Variants in TMTC3 observed in about 807,000 individuals in gnomAD.
TMTC3 encodes transmembrane O-mannosyltransferase targeting cadherins 3.
A neutral mutation model predicts 92.2 loss-of-function variants in TMTC3; 52 were observed. The observed-to-expected ratio is 0.56, with a 90% CI of 0.45 to 0.71. TMTC3 has a LOEUF of 0.71. TMTC3 is among the 30% of genes least tolerant of loss of function. The pLI is 0.00. For missense variants in TMTC3, 896 were observed against 1,057.1 expected (o/e 0.85, Z 2.11); for synonymous variants, 339 against 363.3 (o/e 0.93, Z 0.76).
At chr12:88,173,142 A>G in intron 8 of TMTC3, 1 of 1,161,792 alleles carries the variant, frequency 8.6e-7, no homozygotes, top group Non-Finnish European at 1.1e-6. Flanking sequence ...GCAATCTGTA[A>G]TTTCTTGCTA....
At chr12:88,167,005 T>C (rs1254815878) in intron 7 of TMTC3, among the ~76,000 whole-genome samples, 3 of 151,950 alleles carry the variant, frequency 2.0e-5, no homozygotes, top group Non-Finnish European at 4.4e-5. Context: ...TTTTTTTTTT[T>C]TTTTTGGTGG....
At chr12:88,170,102 A>T (rs1484343290) in intron 7 of TMTC3, among the ~76,000 whole-genome samples, 1 of 152,226 alleles carries the variant, frequency 6.6e-6, no homozygotes, top group Non-Finnish European at 1.5e-5. Context: ...TGGAAGAAGG[A>T]AATTACAAGA....
At chr12:88,166,198 C>G (rs1388094931) in intron 6 of TMTC3, 132 bp from the exon 7 acceptor site, 3 of 865,388 alleles carry the variant, frequency 3.5e-6, no homozygotes, top group Non-Finnish European at 5.2e-6. Flanking sequence ...CTGAGGTACA[C>G]ATAACATTTG....
intron 4 of TMTC3, among the ~76,000 whole-genome samples, chr12:88,158,564 T>A (rs184914628): frequency 6.6e-6 from 1 of 152,236 alleles, no homozygotes; most frequent in African/African-American, 2.4e-5. Context: ...TTTTTTCATT[T>A]ATTTCTTTGT....
rs2041509548 is a variant in TMTC3, at chr12:88,196,137, CTT to C, written c.*494_*495del. Reference sequence around the variant, plus strand: ...GATTTACACTACAAAAGAATGCTGGCTTTTTTTATGTTGTATTCCTTAGTTGA... The same window carrying C: ...GATTTACACTACAAAAGAATGCTGGCTTTTTATGTTGTATTCCTTAGTTGA... On this transcript the variant is annotated 3_prime_UTR_variant, in exon 14 of 14. Transcript: ENST00000266712. 6.6e-6 allele frequency: 1 copy of C among 152,126 alleles called. No homozygotes were observed. Among genetic ancestry groups the C allele is most frequent in the African/African-American group, 2.4e-5 (1 of 41,514 alleles). 9.4% of individuals were successfully genotyped at this position (152,126 alleles called of 1,614,324 possible). A position where few individuals can be genotyped will look rare whatever the true frequency, so the allele number is the denominator to read the frequency against.
At chr12:88,188,818 A>G in intron 10 of TMTC3, 25 bp from the exon 11 acceptor site, 1 of 1,265,836 alleles carries the variant, frequency 7.9e-7, no homozygotes, top group Non-Finnish European at 1.1e-6. Context: ...ATACTTGCCA[A>G]CAAATGATTG....
intron 2 of TMTC3, among the ~76,000 whole-genome samples, chr12:88,152,117 C>T (rs1478518930): frequency 1.3e-5 from 2 of 152,094 alleles, no homozygotes; most frequent in South Asian, 2.1e-4. Flanking sequence ...GTCTGTTTTG[C>T]GTTAGTATAA....
At chr12:88,193,274 C>A (rs971380189) in intron 13 of TMTC3, among the ~76,000 whole-genome samples, 2 of 151,838 alleles carry the variant, frequency 1.3e-5, no homozygotes, top group Admixed American at 6.6e-5. Context: ...CTTTTGGCAC[C>A]ATTTTATATC....
intron 7 of TMTC3, among the ~76,000 whole-genome samples, chr12:88,169,769 C>G (rs1016846552): frequency 6.6e-6 from 1 of 151,832 alleles, no homozygotes; most frequent in Non-Finnish European, 1.5e-5. Flanking sequence ...TGAGATCCCA[C>G]CTCTAAAAAA....
chr12:88,156,931 G>A (rs371446821), intron 4 of TMTC3, among the ~76,000 whole-genome samples: 13 of 151,302 alleles, frequency 8.6e-5, no homozygotes, highest in East Asian at 1.9e-4. Context: ...CCATTTGAGC[G>A]AAACAAAAAC....
At chr12:88,174,246 C>T (rs1301387166) in intron 8 of TMTC3, among the ~76,000 whole-genome samples, 1 of 151,898 alleles carries the variant, frequency 6.6e-6, no homozygotes, top group Non-Finnish European at 1.5e-5. Context: ...TAAGGTTGAC[C>T]CCTTTCTAAA....
intron 9 of TMTC3, 35 bp downstream of exon 9, chr12:88,174,762 C>A (rs1168306326): frequency 6.2e-7 from 1 of 1,607,482 alleles, no homozygotes; most frequent in East Asian, 2.2e-5. Context: ...GAAAGTATGT[C>A]ATCAGTGATT....
At chr12:88,160,996 A>G (rs1365020102) in intron 6 of TMTC3, 145 bp downstream of exon 6, 1 of 785,652 alleles carries the variant, frequency 1.3e-6, no homozygotes, top group African/African-American at 1.8e-5. Context: ...GCATATATTT[A>G]AAATTTATGT....
rs764894533 is a variant in TMTC3 at position 88,148,403 on chromosome 12, T to G, written c.88T>G (p.Phe30Val). The G allele has an allele frequency of 1.2e-6, 2 of 1,613,698 alleles. No homozygotes were observed. Among genetic ancestry groups the G allele is most frequent in the South Asian group, 2.2e-5 (2 of 91,058 alleles). The change falls in exon 2 of 14, where the codon TTT becomes GTT. Residue 30 changes from phenylalanine (F) to valine (V), a missense_variant. Coordinates refer to ENST00000266712, the MANE Select transcript of TMTC3 (RefSeq NM_181783.4). ...GAACAGCCTCTTTTGTGGTTTTGTTTTTGATGATGTTTCAGCAATACTGGA... is the reference window on the plus strand; with the variant it reads ...GAACAGCCTCTTTTGTGGTTTTGTTGTTGATGATGTTTCAGCAATACTGGA... ...YWNSLFCGFV[F>V]DDVSAILDNK...
chr12:88,146,802 A>G (rs1291298507), intron 1 of TMTC3, among the ~76,000 whole-genome samples: 1 of 150,756 alleles, frequency 6.6e-6, no homozygotes, highest in Non-Finnish European at 1.5e-5. Flanking sequence ...CCAAGTTCTT[A>G]TAAAAATTCC....
At chr12:88,170,712 T>A (rs2138403017) in intron 7 of TMTC3, among the ~76,000 whole-genome samples, 1 of 152,306 alleles carries the variant, frequency 6.6e-6, no homozygotes, top group African/African-American at 2.4e-5. Flanking sequence ...CTTGTGAAGC[T>A]AAAGGTTTAA....
intron 7 of TMTC3, among the ~76,000 whole-genome samples, chr12:88,171,968 A>G (rs944139752): frequency 2.6e-5 from 4 of 152,060 alleles, no homozygotes; most frequent in African/African-American, 4.8e-5. Flanking sequence ...GAACATTTAT[A>G]TACTTGATGG....
intron 2 of TMTC3, among the ~76,000 whole-genome samples, chr12:88,149,706 C>G (rs1192498823): frequency 6.6e-6 from 1 of 152,118 alleles, no homozygotes; most frequent in Non-Finnish European, 1.5e-5. Context: ...TTGGAAGCCT[C>G]TCAAGGTTAG....
chr12:88,161,806 A>T (rs1411745702), intron 6 of TMTC3, among the ~76,000 whole-genome samples: 2 of 150,994 alleles, frequency 1.3e-5, no homozygotes, highest in African/African-American at 4.8e-5. Flanking sequence ...TATATATATA[A>T]AATAAAAATA....
Sources: gnomAD v4.1 joint callset for allele counts (sites outside exome capture counted in the v4.1 genomes callset) on GRCh38, gnomAD v4.1.1 for gene constraint, MANE v1.5 for transcripts, NCBI Gene and HGNC (gene_info 2026-07-23, HGNC 2026-07-21) for gene names.